Variants in QSER1 observed in about 807,000 individuals in gnomAD.
QSER1 encodes the protein glutamine and serine-rich protein 1.
Under a neutral mutation model 158.5 loss-of-function variants are expected in QSER1, and 49 were observed. That is an observed-to-expected ratio of 0.31 (90% CI 0.25 to 0.39). QSER1 has a LOEUF of 0.39. Ranked by LOEUF, QSER1 falls within the 10% of genes least tolerant of loss-of-function variation. QSER1 has a pLI of 1.00. For synonymous variants in QSER1, 650 were observed against 715.5 expected (o/e 0.91, Z 1.46); for missense variants, 1,754 against 2,010.3 (o/e 0.87, Z 2.44).
chr11:32,959,259 C>T (rs949044291), intron 8 of QSER1, among the ~76,000 whole-genome samples: 1 of 152,206 alleles, frequency 6.6e-6, no homozygotes, highest in Admixed American at 6.5e-5. Flanking sequence ...AGTAGTTCTA[C>T]AGAGACCATA....
chr11:32,893,613 A>G lies in QSER1; in HGVS notation c.209+279A>G, dbSNP rs946762959. On this transcript the variant is annotated intron_variant, in intron 1 of 12. Coordinates refer to ENST00000650167, the MANE Select transcript of QSER1 (RefSeq NM_001076786.3). The surrounding 1 kb of genome is among the most constrained non-coding windows in gnomAD (Gnocchi z 4.7). ...CACCTCTTGGGTCCTGGGCTCTCAC[A>G]TGGTGAAGTTTGGGCTCGTGGCTGA... 2.0e-5 allele frequency among the ~76,000 whole-genome samples: 3 copies of G among 152,072 alleles called. No homozygotes were observed. Among genetic ancestry groups the G allele is most frequent in the Admixed American group, 6.5e-5 (1 of 15,282 alleles).
intron 1 of QSER1, among the ~76,000 whole-genome samples, chr11:32,901,454 T>G (rs1159465115): frequency 6.6e-6 from 1 of 152,204 alleles, no homozygotes; most frequent in Non-Finnish European, 1.5e-5. Flanking sequence ...TCAAGTAGAT[T>G]GCATACAAAC....
intron 12 of QSER1, 73 bp downstream of exon 12, chr11:32,975,416 A>G: frequency 6.3e-7 from 1 of 1,582,148 alleles, no homozygotes; most frequent in Non-Finnish European, 8.6e-7. Context: ...AGTATTTTGG[A>G]GTGTTTTAAA....
Position 32,958,082 on chromosome 11 carries a change from T to C in QSER1, c.4965T>C (p.Asp1655=), listed in dbSNP as rs200024758. 1.4e-3 allele frequency: 2,215 copies of C among 1,613,094 alleles called. 4 individuals carry two copies. Among genetic ancestry groups the C allele is most frequent in the Non-Finnish European group, 1.7e-3 (1,963 of 1,179,288 alleles). Residue 1655 remains aspartate (D), a synonymous_variant, in exon 8 of 13, where the codon GAT becomes GAC. Coordinates refer to ENST00000650167, the MANE Select transcript of QSER1 (RefSeq NM_001076786.3). Reference sequence around the variant, plus strand: ...AGATCCATACTAGTAGTAGTGACGATGAGGGTGAGTTTTCCGTGAAATGGC... The same window carrying C: ...AGATCCATACTAGTAGTAGTGACGACGAGGGTGAGTTTTCCGTGAAATGGC... ...SPEIHTSSSD[D]EEFEPPAPFV... is the part of the protein sequence containing the mutation.
intron 1 of QSER1, among the ~76,000 whole-genome samples, chr11:32,917,830 A>C (rs899787756): frequency 1.3e-5 from 2 of 151,282 alleles, no homozygotes; most frequent in African/African-American, 4.9e-5. Flanking sequence ...TCAAAAAAAA[A>C]AAAAAAAAAA....
chr11:32,960,582 T>C (rs1439923086), intron 8 of QSER1, among the ~76,000 whole-genome samples: 3 of 152,034 alleles, frequency 2.0e-5, no homozygotes, highest in Non-Finnish European at 4.4e-5. Flanking sequence ...AAAAGAAATA[T>C]ATAATCAGAA....
At chr11:32,927,440 C>T (rs1851987181) in intron 2 of QSER1, among the ~76,000 whole-genome samples, 171 bp downstream of exon 2, 1 of 152,192 alleles carries the variant, frequency 6.6e-6, no homozygotes, top group African/African-American at 2.4e-5. Context: ...TGGAGTCTCG[C>T]TCTGTCGGCC....
chr11:32,963,993 G>C (rs1226224860), intron 8 of QSER1, among the ~76,000 whole-genome samples: 1 of 152,112 alleles, frequency 6.6e-6, no homozygotes. Context: ...TGTTAATTAA[G>C]AGATGGGGTC....
chr11:32,934,141 G>A lies in QSER1; in HGVS notation c.2883G>A (p.Ser961=), dbSNP rs754052538. 28 of 1,613,834 alleles carry A rather than the reference G, an allele frequency of 1.7e-5. No homozygotes were observed. The East Asian group carries it at 1.8e-4, about 10-fold the overall frequency. ...AGAATCAGTTTGTTTCTCTTGGATC[G>A]ATGTGTTTCCCAGAGGCAGTGCTTC... The part of the protein sequence containing the change: ...DSKNQFVSLG[S]MCFPEAVLLS... Residue 961 remains serine, a synonymous_variant, in exon 4 of 13, where the codon TCG becomes TCA. Coordinates refer to ENST00000650167, the MANE Select transcript of QSER1 (RefSeq NM_001076786.3).
chr11:32,939,948 ATTT>A (rs35359579), intron 4 of QSER1, among the ~76,000 whole-genome samples: 84 of 124,350 alleles, frequency 6.8e-4, no homozygotes, highest in Non-Finnish European at 1.0e-3. Context: ...GAAGACTGAG[ATTT>A]TTTTTTTTTT....
At chr11:32,896,264 T>C (rs935903423) in intron 1 of QSER1, among the ~76,000 whole-genome samples, 1 of 152,234 alleles carries the variant, frequency 6.6e-6, no homozygotes, top group African/African-American at 2.4e-5. Flanking sequence ...GCAGGCTGTT[T>C]TATGGTGATA....
chr11:32,925,737 A>T (rs960921980), intron 1 of QSER1, among the ~76,000 whole-genome samples: 7 of 151,960 alleles, frequency 4.6e-5, no homozygotes, highest in African/African-American at 1.4e-4. Flanking sequence ...CATGTTGGCC[A>T]GGCTGATCTC....
chr11:32,898,379 T>G (rs1312971692), intron 1 of QSER1, among the ~76,000 whole-genome samples: 1 of 151,818 alleles, frequency 6.6e-6, no homozygotes, highest in Admixed American at 6.6e-5. Context: ...CCAGCTACTC[T>G]GGAGGCTGGG....
chr11:32,949,745 T>C (rs946282560), intron 4 of QSER1, among the ~76,000 whole-genome samples: 7 of 152,246 alleles, frequency 4.6e-5, no homozygotes, highest in Non-Finnish European at 7.3e-5. Context: ...ATTAGAATAT[T>C]CATCTGTATT....
intron 8 of QSER1, among the ~76,000 whole-genome samples, chr11:32,965,684 C>T (rs1308610832): frequency 6.6e-6 from 1 of 152,004 alleles, no homozygotes; most frequent in African/African-American, 2.4e-5. Flanking sequence ...TGGTGGCTCA[C>T]GCCTGTAATC....
At chr11:32,943,871 C>T (rs1469150933) in intron 4 of QSER1, among the ~76,000 whole-genome samples, 4 of 151,824 alleles carry the variant, frequency 2.6e-5, no homozygotes, top group Non-Finnish European at 4.4e-5. Flanking sequence ...GTCCTGGACT[C>T]TTTTTGGTTG....
chr11:32,913,092 G>C (rs1851788391), intron 1 of QSER1, among the ~76,000 whole-genome samples: 1 of 151,210 alleles, frequency 6.6e-6, no homozygotes, highest in Admixed American at 6.6e-5. Flanking sequence ...TGCCATCTTA[G>C]GGATATTTCT....
chr11:32,966,507 GTTATATGTTTA>G, intron 9 of QSER1, 70 bp downstream of exon 9: 3 of 1,393,100 alleles, frequency 2.2e-6, no homozygotes, highest in Non-Finnish European at 3.0e-6. Context: ...TTGTCTGTTA[GTTATATGTTTA>G]TATGTGACTT....
Position 32,976,780 on chromosome 11 carries a change from G to T in QSER1, c.*306G>T. On this transcript the variant is annotated 3_prime_UTR_variant, in exon 13 of 13. Transcript: ENST00000650167. ...TGACAAATGATGAAGCATGCACTAAGTATAATTTTTTTTTATTGCTAGAGA... is the reference window on the plus strand; with the variant it reads ...TGACAAATGATGAAGCATGCACTAATTATAATTTTTTTTTATTGCTAGAGA... 4.3e-6 allele frequency: 1 copy of T among 233,818 alleles called. No homozygotes were observed. 14.5% of individuals were successfully genotyped at this position (233,818 alleles called of 1,614,324 possible).
Sources: gnomAD v4.1 joint callset for allele counts (sites outside exome capture counted in the v4.1 genomes callset) on GRCh38, gnomAD v4.1.1 for gene constraint, Gnocchi (gnomAD v3.1) non-coding constraint, MANE v1.5 for transcripts, NCBI Gene and HGNC (gene_info 2026-07-23, HGNC 2026-07-21) for gene names.